Variants in LINGO2 observed in about 807,000 individuals in gnomAD.
LINGO2 encodes the protein leucine rich repeat and Ig domain containing 2, also known as leucine-rich repeat and immunoglobulin-like domain-containing nogo receptor-interacting protein 2.
Under a neutral mutation model 30.6 loss-of-function variants are expected in LINGO2, and 14 were observed. The observed-to-expected ratio is 0.46, with a 90% CI of 0.30 to 0.72. The LOEUF is 0.72. Among genes scored for constraint, LINGO2 ranks in the 30% least tolerant of loss-of-function variants. LINGO2 has a pLI of 0.07. For missense variants in LINGO2, 729 were observed against 751.7 expected (o/e 0.97, Z 0.35); for synonymous variants, 317 against 288.5 (o/e 1.10, Z -1.00).
chr9:28,576,420 G>C (rs186739789), intron 1 of LINGO2, among the ~76,000 whole-genome samples: 1 of 152,114 alleles, frequency 6.6e-6, no homozygotes, highest in Admixed American at 6.5e-5. Context: ...GTGTGTGTGC[G>C]TATTCTTCAA....
intron 5 of LINGO2, among the ~76,000 whole-genome samples, chr9:27,981,570 G>GAAAAAAAAAAA (rs147823149): frequency 2.8e-4 from 28 of 101,466 alleles, no homozygotes; most frequent in South Asian, 1.3e-3. Flanking sequence ...GAAAAAAAAA[G>GAAAAAAAAAAA]AAAAAAAAAA....
At chr9:28,632,190 C>T (rs1370794691) in intron 1 of LINGO2, among the ~76,000 whole-genome samples, 1 of 152,108 alleles carries the variant, frequency 6.6e-6, no homozygotes, top group African/African-American at 2.4e-5. Flanking sequence ...TATTTAATCA[C>T]ATGGCAAACT....
chr9:28,947,362 T>C, the LINGO2 span, among the ~76,000 whole-genome samples: 1 of 152,246 alleles, frequency 6.6e-6, no homozygotes, highest in South Asian at 2.1e-4. Flanking sequence ...CAAATCACTC[T>C]TGAGCCATTT....
At chr9:29,155,855 G>A in the LINGO2 span, among the ~76,000 whole-genome samples, 2 of 151,966 alleles carry the variant, frequency 1.3e-5, no homozygotes, top group South Asian at 4.1e-4. Context: ...AGAAAGCTAA[G>A]AGCATAGAAG....
chr9:28,251,781 A>T (rs895508609), intron 4 of LINGO2, among the ~76,000 whole-genome samples: 5 of 152,176 alleles, frequency 3.3e-5, no homozygotes, highest in Non-Finnish European at 7.3e-5. Context: ...AGAGTGAAAA[A>T]AAACTATTAC....
intron 1 of LINGO2, among the ~76,000 whole-genome samples, chr9:28,565,609 T>C (rs1449787523): frequency 6.6e-6 from 1 of 151,748 alleles, no homozygotes; most frequent in African/African-American, 2.4e-5. Flanking sequence ...TGGAGTGCAG[T>C]GTCGCGATCT....
chr9:28,203,535 T>C (rs1285906427), intron 4 of LINGO2, among the ~76,000 whole-genome samples: 1 of 152,160 alleles, frequency 6.6e-6, no homozygotes, highest in Non-Finnish European at 1.5e-5. Flanking sequence ...AAATTAGTCA[T>C]TGCTGAATTA....
At chr9:28,401,134 A>G (rs1394179483) in intron 2 of LINGO2, among the ~76,000 whole-genome samples, 1 of 152,170 alleles carries the variant, frequency 6.6e-6, no homozygotes, top group East Asian at 1.9e-4. Context: ...GTGACAAAAC[A>G]AGGGTACAAT....
At chr9:28,723,146 C>T in the LINGO2 span, among the ~76,000 whole-genome samples, 2 of 151,990 alleles carry the variant, frequency 1.3e-5, no homozygotes, top group Non-Finnish European at 2.9e-5. Context: ...ATGTGCATAC[C>T]AATGACCCAG....
At chr9:28,819,615 T>C in the LINGO2 span, among the ~76,000 whole-genome samples, 1 of 152,102 alleles carries the variant, frequency 6.6e-6, no homozygotes, top group Admixed American at 6.5e-5. Flanking sequence ...GCTATTATAT[T>C]GTGGTGTTTT....
chr9:28,045,292 C>T (rs1307775248), intron 4 of LINGO2, among the ~76,000 whole-genome samples: 1 of 152,094 alleles, frequency 6.6e-6, no homozygotes, highest in Non-Finnish European at 1.5e-5. Flanking sequence ...TTTAACCTCA[C>T]CCTGACAGAG....
chr9:29,118,179 G>T, the LINGO2 span, among the ~76,000 whole-genome samples: 1 of 152,114 alleles, frequency 6.6e-6, no homozygotes, highest in Non-Finnish European at 1.5e-5. Context: ...GTTCCAAAGA[G>T]GTTGACTTAC....
In LINGO2 at chr9:28,148,128, G is replaced by A. The variant is rs1244075520; in HGVS notation, c.-86-135723C>T. ...GCTCCTGCACCTGTGCCTGCCCGGG[G>A]AATCGTGGGCCGTTTCCCACTCCTC... is the stretch of plus-strand genomic sequence containing the variant. On this transcript the variant is annotated intron_variant, in intron 4 of 5. Transcript: ENST00000379992. This position sits in a 1 kb window ranked among gnomAD's most constrained non-coding sequence, Gnocchi z 5.1. The A allele has an allele frequency of 5.0e-5, 54 of 1,078,876 alleles. No individual in the cohort carries two copies. The highest frequency in any genetic ancestry group is 6.2e-5 in the Non-Finnish European group (52 of 845,202). 66.8% of individuals were successfully genotyped at this position (1,078,876 alleles called of 1,614,324 possible). A position where few individuals can be genotyped will look rare whatever the true frequency, so the allele number is the denominator to read the frequency against.
intron 4 of LINGO2, among the ~76,000 whole-genome samples, chr9:28,022,303 T>TA (rs1397383025): frequency 1.3e-5 from 2 of 152,118 alleles, no homozygotes; most frequent in African/African-American, 2.4e-5. Context: ...CTATCTTCTA[T>TA]AATCACTCAA....
At chr9:28,717,280 A>T in the LINGO2 span, among the ~76,000 whole-genome samples, 1 of 151,676 alleles carries the variant, frequency 6.6e-6, no homozygotes, top group African/African-American at 2.4e-5. Context: ...CTGAGCTCAA[A>T]CTAGGGGAAA....
intron 4 of LINGO2, among the ~76,000 whole-genome samples, chr9:28,056,045 T>C (rs1824925683): frequency 6.6e-6 from 1 of 152,148 alleles, no homozygotes; most frequent in African/African-American, 2.4e-5. Context: ...AAAGAAACTA[T>C]TTTAAAGGAA....
Position 28,400,864 on chromosome 9 carries a change from G to C in LINGO2, c.-278-27996C>G, listed in dbSNP as rs571336311. ...ATTAATTCAACATATGAGGGTGTTT[G>C]AATGTTACACAGAACTGCAAATAAT... On this transcript the variant is annotated intron_variant, in intron 2 of 5. Coordinates refer to ENST00000379992, the Ensembl canonical transcript of LINGO2. Among the ~76,000 whole-genome samples, 12 of 152,232 alleles carry C rather than the reference G, an allele frequency of 7.9e-5. No individual in the cohort carries two copies. In the South Asian group the frequency reaches 2.3e-3, roughly 29 times the overall value.
intron 1 of LINGO2, among the ~76,000 whole-genome samples, chr9:28,630,914 G>A (rs1012364227): frequency 3.3e-5 from 5 of 151,336 alleles, no homozygotes; most frequent in Non-Finnish European, 5.9e-5. Flanking sequence ...GTAGCCCCAT[G>A]GAGAGCATAA....
chr9:28,345,900 T>A (rs895271974), intron 3 of LINGO2, among the ~76,000 whole-genome samples: 15 of 152,182 alleles, frequency 9.9e-5, no homozygotes, highest in African/African-American at 3.6e-4. Flanking sequence ...AACACCCACA[T>A]AATGTATCAT....
Sources: allele counts gnomAD v4.1 joint callset (sites outside exome capture counted in the v4.1 genomes callset), GRCh38; gene constraint gnomAD v4.1.1; non-coding constraint Gnocchi (gnomAD v3.1); transcripts MANE v1.5; gene names NCBI Gene and HGNC (gene_info 2026-07-23, HGNC 2026-07-21).